Variants in ZNF346 observed in about 807,000 individuals in gnomAD.
ZNF346 encodes double-stranded RNA-binding zinc finger protein JAZ.
ZNF346 carries 23 observed loss-of-function variants against 33.7 expected under a neutral mutation model. That is an observed-to-expected ratio of 0.68 (90% CI 0.49 to 0.97). The LOEUF (loss-of-function observed/expected upper bound fraction) is 0.97. ZNF346 is among the 50% of genes least tolerant of loss of function. The pLI is 0.00. For missense variants in ZNF346, 340 were observed against 371.1 expected (o/e 0.92, Z 0.69); for synonymous variants, 134 against 142.4 (o/e 0.94, Z 0.42).
chr5:177,054,191 G>C (rs1275150732), intron 5 of ZNF346, among the ~76,000 whole-genome samples: 1 of 150,436 alleles, frequency 6.6e-6, no homozygotes, highest in African/African-American at 2.4e-5. Flanking sequence ...TCCCACCTCA[G>C]CCTCCCAAAT....
At chr5:177,053,364 T>A (rs997371856) in intron 5 of ZNF346, among the ~76,000 whole-genome samples, 1 of 149,284 alleles carries the variant, frequency 6.7e-6, no homozygotes, top group Non-Finnish European at 1.5e-5. Flanking sequence ...TTGCCTAAGC[T>A]GGTCATGAGC....
In ZNF346 at chr5:177,062,049, G is replaced by A. The variant is rs1467179381; in HGVS notation, c.704-9G>A. On this transcript the variant is annotated splice_polypyrimidine_tract_variant and intron_variant, in intron 5 of 6. Coordinates refer to ENST00000358149, the MANE Select transcript of ZNF346 (RefSeq NM_012279.4). ...GGATTACTAAGATCTTGATTTTGAT[G>A]TGTTTCAGCTGGAAAGGGCTACCCC... 1 of 1,610,964 alleles carries A rather than the reference G, an allele frequency of 6.2e-7. No homozygotes were observed. The highest frequency in any genetic ancestry group is 1.1e-5 in the South Asian group (1 of 90,822).
intron 1 of ZNF346, among the ~76,000 whole-genome samples, chr5:177,034,825 G>A (rs1407247847): frequency 3.9e-5 from 6 of 152,190 alleles, no homozygotes; most frequent in African/African-American, 1.4e-4. Flanking sequence ...AGCATCCGTT[G>A]TCCAGCTTCA....
At chr5:177,042,194 A>G (rs575030015) in intron 3 of ZNF346, 1 of 194,266 alleles carries the variant, frequency 5.1e-6, no homozygotes, top group South Asian at 1.8e-4. Context: ...GCAAGACAAG[A>G]GAAAATGGAA....
chr5:177,040,652 G>A (rs1324754055), intron 1 of ZNF346, among the ~76,000 whole-genome samples: 1 of 152,014 alleles, frequency 6.6e-6, no homozygotes, highest in Non-Finnish European at 1.5e-5. Flanking sequence ...ACCCTGTTAT[G>A]TGATTTTAAA....
At chr5:177,053,522 A>G (rs1490808271) in intron 5 of ZNF346, among the ~76,000 whole-genome samples, 1 of 151,996 alleles carries the variant, frequency 6.6e-6, no homozygotes, top group Non-Finnish European at 1.5e-5. Context: ...ATGCTGTTTT[A>G]AAATGAACAT....
intron 8 of ZNF346, among the ~76,000 whole-genome samples, chr5:177,075,465 T>G (rs1351349544): frequency 1.3e-5 from 2 of 152,198 alleles, no homozygotes; most frequent in Non-Finnish European, 2.9e-5. Flanking sequence ...TAGGTCAAGT[T>G]TAATTTCTAC....
chr5:177,068,318 C>A (rs1210561019), downstream of ZNF346, among the ~76,000 whole-genome samples: 5 of 144,160 alleles, frequency 3.5e-5, no homozygotes, highest in East Asian at 5.8e-4. Context: ...GTGTTAGAAA[C>A]CCAAATCAAA....
At chr5:177,071,461 C>T (rs1274001962), downstream of ZNF346, among the ~76,000 whole-genome samples, 1 of 151,790 alleles carries the variant, frequency 6.6e-6, no homozygotes, top group Non-Finnish European at 1.5e-5. Flanking sequence ...CTGAGGTGGG[C>T]GGATCACAAG....
At position 177,048,769 on chromosome 5, in the gene ZNF346, G is replaced by A. The variant is rs1581888049; in HGVS notation, c.518-1982G>A. Among the ~76,000 whole-genome samples, 4 of 147,014 alleles carry A rather than the reference G, an allele frequency of 2.7e-5. No homozygotes were observed. The South Asian group carries it at 8.5e-4, about 31-fold the overall frequency. On this transcript the variant is annotated intron_variant, in intron 4 of 6. Transcript: ENST00000358149. ...TAAGAAGCAGATTGATGTGTAACTT[G>A]TTTTTTTCTTTTTTTTTCTTTTTTT...
intron 3 of ZNF346, among the ~76,000 whole-genome samples, chr5:177,043,871 T>C (rs954033967): frequency 6.6e-6 from 1 of 152,086 alleles, no homozygotes; most frequent in Non-Finnish European, 1.5e-5. Flanking sequence ...AGTCAAATAG[T>C]CCGTGTTCCA....
downstream of ZNF346, among the ~76,000 whole-genome samples, chr5:177,071,502 C>T (rs796844311): frequency 6.6e-5 from 10 of 151,994 alleles, no homozygotes; most frequent in East Asian, 3.9e-4. Context: ...CTGGCTAACA[C>T]GGTGAAACCC....
intron 8 of ZNF346, among the ~76,000 whole-genome samples, chr5:177,075,173 G>A (rs935921663): frequency 6.6e-6 from 1 of 151,928 alleles, no homozygotes; most frequent in East Asian, 1.9e-4. Context: ...GGCCAAAGCA[G>A]GTGGATCATG....
chr5:177,056,714 A>G (rs1021779637), intron 5 of ZNF346, among the ~76,000 whole-genome samples: 18 of 145,078 alleles, frequency 1.2e-4, no homozygotes, highest in Admixed American at 1.0e-3. Flanking sequence ...GAATTGAACA[A>G]TGAGAACACT....
intron 1 of ZNF346, among the ~76,000 whole-genome samples, chr5:177,033,172 C>T (rs1777971107): frequency 6.6e-6 from 1 of 152,182 alleles, no homozygotes; most frequent in South Asian, 2.1e-4. Context: ...AACTGCTAGA[C>T]TCAAGTGATT....
At chr5:177,057,904 C>T (rs1357796815) in intron 5 of ZNF346, among the ~76,000 whole-genome samples, 1 of 151,392 alleles carries the variant, frequency 6.6e-6, no homozygotes, top group African/African-American at 2.4e-5. Context: ...TTACTGCAAC[C>T]TCCACCTCCT....
intron 1 of ZNF346, among the ~76,000 whole-genome samples, chr5:177,040,645 C>T (rs997713045): frequency 1.3e-5 from 2 of 152,180 alleles, no homozygotes; most frequent in African/African-American, 2.4e-5. Context: ...ACGCCCCACC[C>T]TGTTATGTGA....
chr5:177,052,994 G>T (rs1781162500), intron 5 of ZNF346: 1 of 151,888 alleles, frequency 6.6e-6, no homozygotes, highest in Non-Finnish European at 1.5e-5. Context: ...GGTAAAGGAT[G>T]AATTCCTTGT....
intron 5 of ZNF346, 77 bp from the exon 6 acceptor site, chr5:177,061,981 T>G: frequency 7.6e-7 from 1 of 1,320,098 alleles, no homozygotes; most frequent in East Asian, 2.3e-5. Flanking sequence ...AGAAGGGCAT[T>G]TGTACACTCT....
Sources: allele counts gnomAD v4.1 joint callset (sites outside exome capture counted in the v4.1 genomes callset), GRCh38; gene constraint gnomAD v4.1.1; transcripts MANE v1.5; gene names NCBI Gene and HGNC (gene_info 2026-07-23, HGNC 2026-07-21).